The following MEOX1 variants were observed in gnomAD, a reference collection of about 807,000 sequenced individuals.
The protein encoded by MEOX1 is homeobox protein MOX-1.
A neutral mutation model predicts 23.2 loss-of-function variants in MEOX1; 17 were observed. That is an observed-to-expected ratio of 0.73 (90% CI 0.50 to 1.10). The LOEUF (loss-of-function observed/expected upper bound fraction) is 1.10, where lower values mean the gene tolerates loss of function less well. MEOX1 is among the 50% of genes least tolerant of loss of function. MEOX1 has a pLI of 0.00. For missense variants in MEOX1, 333 were observed against 332.2 expected, an observed-to-expected ratio of 1.00 and a Z score of -0.02; for synonymous variants, 134 against 135.1, an observed-to-expected ratio of 0.99 and a Z score of 0.06.
intron 1 of MEOX1, among the ~76,000 whole-genome samples, chr17:43,654,932 G>A (rs1439084542): frequency 6.6e-6 from 1 of 151,822 alleles, no homozygotes; most frequent in East Asian, 1.9e-4. Context: ...GGCGCCTGTA[G>A]TCCCAGCTAC....
At chr17:43,649,776 A>T (rs28441162) in intron 1 of MEOX1, among the ~76,000 whole-genome samples, 10 of 152,092 alleles carry the variant, frequency 6.6e-5, no homozygotes, top group South Asian at 2.1e-4. Context: ...TGCCTCTGTG[A>T]TTAGGAAGGA....
chr17:43,645,367 C>T (rs1299134338), intron 1 of MEOX1, among the ~76,000 whole-genome samples: 1 of 151,858 alleles, frequency 6.6e-6, no homozygotes, highest in Non-Finnish European at 1.5e-5. Flanking sequence ...TTAGTAGAGA[C>T]GACGTTTCAC....
intron 1 of MEOX1, among the ~76,000 whole-genome samples, chr17:43,648,210 C>T (rs1277186239): frequency 6.6e-6 from 1 of 152,206 alleles, no homozygotes; most frequent in Non-Finnish European, 1.5e-5. Context: ...TGGCTCAGGC[C>T]TGTAATCCCA....
At chr17:43,644,199 T>C (rs1210040674) in intron 1 of MEOX1, among the ~76,000 whole-genome samples, 1 of 152,224 alleles carries the variant, frequency 6.6e-6, no homozygotes, top group Non-Finnish European at 1.5e-5. Context: ...TCAAGTCCGC[T>C]GCTCTAAGAC....
chr17:43,641,871 G>C lies in MEOX1; in HGVS notation c.*39C>G, dbSNP rs1972700192. The C allele has an allele frequency of 1.9e-6, 3 of 1,585,522 alleles. No individual in the cohort carries two copies. Among genetic ancestry groups the C allele is most frequent in the Admixed American group, 1.7e-5 (1 of 57,800 alleles). The stretch of plus-strand genomic sequence containing the variant: ...GATTGGGGTGGGGGTAGTTGGGTAG[G>C]GGGCTCAGTCCTTAGTCATTTTTCC... On this transcript the variant is annotated 3_prime_UTR_variant, in exon 3 of 3. Coordinates refer to ENST00000318579, the MANE Select transcript of MEOX1 (RefSeq NM_004527.4).
chr17:43,660,940 C>A, intron 1 of MEOX1, 126 bp downstream of exon 1: 4 of 563,796 alleles, frequency 7.1e-6, no homozygotes, highest in Non-Finnish European at 1.2e-5. Context: ...GGTAACTGGT[C>A]CAGTCTCCTG....
At chr17:43,649,281 G>A (rs1972868031) in intron 1 of MEOX1, among the ~76,000 whole-genome samples, 1 of 147,208 alleles carries the variant, frequency 6.8e-6, no homozygotes, top group Non-Finnish European at 1.5e-5. Context: ...TAAATGTCTG[G>A]CCTTTCAGCT....
In MEOX1 at chr17:43,654,940, T is replaced by C. The variant is rs567762087; in HGVS notation, c.469+6126A>G. Among the ~76,000 whole-genome samples, 534 of 151,716 alleles carry C rather than the reference T, an allele frequency of 3.5e-3. 3 individuals are homozygous for C. Among genetic ancestry groups the C allele is most frequent in the African/African-American group, 0.012 (511 of 41,310 alleles). ...GGTGGTGGGCGCCTGTAGTCCCAGCTACTCGGGAGGCTGAGGTAGGAGAAT... is the reference window on the plus strand; with the variant it reads ...GGTGGTGGGCGCCTGTAGTCCCAGCCACTCGGGAGGCTGAGGTAGGAGAAT... On this transcript the variant is annotated intron_variant, in intron 1 of 2. Coordinates refer to ENST00000318579, the MANE Select transcript of MEOX1 (RefSeq NM_004527.4).
At position 43,643,485 on chromosome 17, in the gene MEOX1, C is replaced by T. The variant is rs199877643; in HGVS notation, c.642+3G>A. On this transcript the variant is annotated splice_donor_region_variant and intron_variant, in intron 2 of 2. Transcript: ENST00000318579. ...GAAGAGGAGGGGCCCACCGGGGGCG[C>T]ACCTGGCGCTCAGAGAGGTCCAGGT... 13 of 1,573,764 alleles carry T rather than the reference C, an allele frequency of 8.3e-6. No individual in the cohort carries two copies. The highest frequency in any genetic ancestry group is 8.1e-5 in the African/African-American group (6 of 74,222).
chr17:43,651,173 G>C (rs1284569325), intron 1 of MEOX1, among the ~76,000 whole-genome samples: 1 of 152,108 alleles, frequency 6.6e-6, no homozygotes, highest in Non-Finnish European at 1.5e-5. Context: ...AAAAAAATTA[G>C]CCGGGTGTGG....
Position 43,661,064 on chromosome 17 carries a change from A to T in MEOX1, c.469+2T>A. 6.7e-7 allele frequency: 1 copy of T among 1,492,804 alleles called. No homozygotes were observed. The allele number at this position is 1,492,804 out of a possible 1,614,324, so 92.5% of individuals were successfully genotyped here. A position where few individuals can be genotyped will look rare whatever the true frequency, so the allele number is the denominator to read the frequency against. ...ATGATCAGCTGCTCCTGAGCCACCT[A>T]CCTGAACTCTCCTTTCTCCGCCTGG... On this transcript the variant is annotated splice_donor_variant, in intron 1 of 2. Coordinates refer to ENST00000318579, the MANE Select transcript of MEOX1 (RefSeq NM_004527.4). LOFTEE classifies it high-confidence loss of function.
At chr17:43,658,525 A>G (rs1185601566) in intron 1 of MEOX1, among the ~76,000 whole-genome samples, 1 of 150,724 alleles carries the variant, frequency 6.6e-6, no homozygotes, top group African/African-American at 2.4e-5. Context: ...AAAAAAAAGA[A>G]TATTTTAAGG....
rs1269631227 is a variant in MEOX1 at position 43,643,531 on chromosome 17, C to G, written c.599G>C (p.Arg200Pro). 2.3e-5 allele frequency: 37 copies of G among 1,606,882 alleles called. No homozygotes were observed. Among genetic ancestry groups the G allele is most frequent in the Non-Finnish European group, 3.1e-5 (37 of 1,177,040 alleles). ...CAGGTTTACCGCAATCTCATATCTGCGGAGCCGAGTCAGGTAGTTATGATG... is the reference window on the plus strand; with the variant it reads ...CAGGTTTACCGCAATCTCATATCTGGGGAGCCGAGTCAGGTAGTTATGATG... ...FAHHNYLTRL[R>P]RYEIAVNLDL... Residue 200 changes from arginine to proline, a missense_variant, in exon 2 of 3, where the codon CGC becomes CCC. Arg to Pro is a moderately radical substitution (Grantham distance 103, BLOSUM62 -2). Transcript: ENST00000318579.
intron 1 of MEOX1, among the ~76,000 whole-genome samples, chr17:43,644,830 C>T (rs1037261353): frequency 1.3e-5 from 2 of 152,122 alleles, no homozygotes; most frequent in East Asian, 3.9e-4. Flanking sequence ...GCAGGAGAAT[C>T]GCTTGAACCC....
At chr17:43,651,653 A>G (rs1972918633) in intron 1 of MEOX1, among the ~76,000 whole-genome samples, 3 of 152,156 alleles carry the variant, frequency 2.0e-5, no homozygotes, top group Admixed American at 1.3e-4. Flanking sequence ...GGAGTTGGGG[A>G]AAAGGGCCAG....
chr17:43,647,944 A>G (rs530275476), intron 1 of MEOX1, among the ~76,000 whole-genome samples: 30 of 152,358 alleles, frequency 2.0e-4, no homozygotes, highest in African/African-American at 6.3e-4. Flanking sequence ...TCAACTTCCC[A>G]GAGTGGGATC....
In MEOX1 at chr17:43,643,612, T is replaced by C. The variant is rs996938666; in HGVS notation, c.518A>G (p.Lys173Arg). 10 of 1,613,384 alleles carry C rather than the reference T, an allele frequency of 6.2e-6. No homozygotes were observed. In the African/African-American group the frequency reaches 1.3e-4, roughly 22 times the overall value. The change falls in exon 2 of 3, where the codon AAG (lysine) becomes AGG (arginine). Residue 173 changes from lysine to arginine, a missense_variant. Transcript: ENST00000318579. ...CTCCTTGGTGAAGGCCGTCCTCTCC[T>C]TGCGGGCTTTGCTGCTGCCCTCCGG... Reference protein sequence around the residue: ...GKPEGSSKARKERTAFTKEQL... With the variant: ...GKPEGSSKARRERTAFTKEQL...
intron 1 of MEOX1, among the ~76,000 whole-genome samples, chr17:43,647,583 TCAC>T (rs1972834429): frequency 6.6e-6 from 1 of 151,992 alleles, no homozygotes; most frequent in Non-Finnish European, 1.5e-5. Flanking sequence ...GGTCCTGGGG[TCAC>T]CACCCTGTTT....
At chr17:43,654,292 T>G (rs1194431822) in intron 1 of MEOX1, among the ~76,000 whole-genome samples, 1 of 152,116 alleles carries the variant, frequency 6.6e-6, no homozygotes, top group Non-Finnish European at 1.5e-5. Flanking sequence ...GCGGATCACC[T>G]GAGGTCAGGA....
Sources: gnomAD v4.1 joint callset for allele counts (sites outside exome capture counted in the v4.1 genomes callset) on GRCh38, gnomAD v4.1.1 for gene constraint, MANE v1.5 for transcripts, NCBI Gene and HGNC (gene_info 2026-07-23, HGNC 2026-07-21) for gene names.